TBC1D5: variants seen among roughly 807,000 people sequenced by gnomAD.
TBC1D5 encodes the protein TBC1 domain family member 5.
In TBC1D5, 75 loss-of-function variants were observed where a neutral mutation model predicts 100.3. That is an observed-to-expected ratio of 0.75 (90% CI 0.62 to 0.91). The LOEUF (loss-of-function observed/expected upper bound fraction) is 0.91. Among genes scored for constraint, TBC1D5 ranks in the 40% least tolerant of loss-of-function variants. The pLI, the probability that TBC1D5 is intolerant of heterozygous loss-of-function variation, is 0.00. For synonymous variants in TBC1D5, 323 were observed against 325.6 expected (o/e 0.99, Z 0.09); for missense variants, 910 against 942.4 (o/e 0.97, Z 0.45).
At chr3:17,216,760 T>C (rs2073687922) in intron 17 of TBC1D5, among the ~76,000 whole-genome samples, 1 of 152,118 alleles carries the variant, frequency 6.6e-6, no homozygotes. Context: ...TCCTAGAATA[T>C]TAGAACCGAA....
intron 3 of TBC1D5, among the ~76,000 whole-genome samples, chr3:17,448,069 C>G (rs180865649): frequency 2.0e-5 from 3 of 152,290 alleles, no homozygotes; most frequent in Non-Finnish European, 4.4e-5. Flanking sequence ...GAGGCTCAGA[C>G]AGGCAGATCA....
At chr3:17,230,531 T>C (rs1164375867) in intron 17 of TBC1D5, among the ~76,000 whole-genome samples, 1 of 152,174 alleles carries the variant, frequency 6.6e-6, no homozygotes, top group Non-Finnish European at 1.5e-5. Flanking sequence ...AATCATCTAA[T>C]GTCACATATT....
chr3:17,450,338 T>C (rs1325477901), intron 3 of TBC1D5, among the ~76,000 whole-genome samples: 1 of 152,076 alleles, frequency 6.6e-6, no homozygotes, highest in African/African-American at 2.4e-5. Context: ...CTCCAAAGGA[T>C]CACAACTCCT....
chr3:17,557,692 AGAC>A (rs1477973704), intron 2 of TBC1D5, among the ~76,000 whole-genome samples: 2 of 152,176 alleles, frequency 1.3e-5, no homozygotes, highest in Non-Finnish European at 2.9e-5. Flanking sequence ...CTGGGACAAC[AGAC>A]ACATGCAACC....
chr3:17,351,311 C>T (rs1559696521), intron 13 of TBC1D5, among the ~76,000 whole-genome samples: 2 of 152,212 alleles, frequency 1.3e-5, no homozygotes, highest in South Asian at 2.1e-4. Context: ...TTCACAATAG[C>T]AAAGACTTGG....
chr3:17,494,741 G>A (rs977552725), intron 3 of TBC1D5, among the ~76,000 whole-genome samples: 1 of 152,100 alleles, frequency 6.6e-6, no homozygotes, highest in Non-Finnish European at 1.5e-5. Flanking sequence ...TGGCACCATC[G>A]GGGAAAACCG....
At chr3:17,728,116 A>C (rs2153980045) in intron 1 of TBC1D5, among the ~76,000 whole-genome samples, 1 of 152,298 alleles carries the variant, frequency 6.6e-6, no homozygotes, top group South Asian at 2.1e-4. Flanking sequence ...GTTATATGTG[A>C]TTTTAAAGAG....
At chr3:17,255,620 T>G (rs1015570964) in intron 16 of TBC1D5, among the ~76,000 whole-genome samples, 2 of 152,252 alleles carry the variant, frequency 1.3e-5, no homozygotes, top group African/African-American at 2.4e-5. Context: ...ATTCAGTTTA[T>G]TTTTTACATA....
intron 1 of TBC1D5, among the ~76,000 whole-genome samples, chr3:17,725,394 T>C (rs2076039546): frequency 1.3e-5 from 2 of 152,144 alleles, no homozygotes. Flanking sequence ...GAAGTATTTT[T>C]TTTTTTTTTT....
chr3:17,404,704 T>G, exon 7 of TBC1D5: 2 of 1,605,516 alleles, frequency 1.2e-6, no homozygotes, highest in Non-Finnish European at 1.7e-6. Context: ...CCCTTCATCC[T>G]GTGAAAGAGG....
chr3:17,430,572 T>G (rs2094431823), intron 3 of TBC1D5, among the ~76,000 whole-genome samples: 1 of 151,872 alleles, frequency 6.6e-6, no homozygotes, highest in Non-Finnish European at 1.5e-5. Context: ...GTACAATTGT[T>G]TCACTAACAA....
At chr3:17,328,019 A>G (rs2086379297) in intron 13 of TBC1D5, among the ~76,000 whole-genome samples, 1 of 152,168 alleles carries the variant, frequency 6.6e-6, no homozygotes, top group South Asian at 2.1e-4. Context: ...CTGTAATTCC[A>G]GCACTTTTGA....
chr3:17,527,123 T>C (rs1170812323), intron 2 of TBC1D5, among the ~76,000 whole-genome samples: 1 of 152,208 alleles, frequency 6.6e-6, no homozygotes, highest in Non-Finnish European at 1.5e-5. Context: ...AGAGTTCGCA[T>C]ATCAAGTAGC....
rs1354331809 is a variant in TBC1D5, at chr3:17,370,370, C to G, written c.995+1705G>C. Reference sequence around the variant, plus strand: ...AAATGTGCTTTTGTATTTGGATATACCAATTATTTGCACAGTGGAGAGGAA... The same window carrying G: ...AAATGTGCTTTTGTATTTGGATATAGCAATTATTTGCACAGTGGAGAGGAA... On this transcript the variant is annotated intron_variant, in intron 13 of 21. Transcript: ENST00000253692. 2.6e-5 allele frequency among the ~76,000 whole-genome samples: 4 copies of G among 152,124 alleles called. No individual in the cohort carries two copies. In the South Asian group the frequency reaches 8.3e-4, roughly 32 times the overall value.
At chr3:17,324,653 T>A (rs1190483008) in intron 13 of TBC1D5, among the ~76,000 whole-genome samples, 1 of 151,184 alleles carries the variant, frequency 6.6e-6, no homozygotes, top group Non-Finnish European at 1.5e-5. Flanking sequence ...CAAAAAAAAA[T>A]GAAAATGAAA....
At chr3:17,468,242 C>T (rs2095332021) in intron 3 of TBC1D5, among the ~76,000 whole-genome samples, 1 of 152,200 alleles carries the variant, frequency 6.6e-6, no homozygotes, top group Non-Finnish European at 1.5e-5. Flanking sequence ...AACTTACATC[C>T]CTCTTTATGC....
rs530965233 is a variant in TBC1D5 at position 17,731,255 on chromosome 3, C to T, written c.-101+8088G>A. ...CAGTGACTCACGCCTGTAATCCCAGCACTTTGGGAGGCCGAGGCGGGCGGA... is the reference window on the plus strand; with the variant it reads ...CAGTGACTCACGCCTGTAATCCCAGTACTTTGGGAGGCCGAGGCGGGCGGA... On this transcript the variant is annotated intron_variant, in intron 1 of 21. Coordinates refer to ENST00000253692, the Ensembl canonical transcript of TBC1D5. Among the ~76,000 whole-genome samples the T allele has an allele frequency of 2.4e-4, 37 of 152,090 alleles. No individual in the cohort carries two copies. The East Asian group carries it at 6.8e-3, about 28-fold the overall frequency.
intron 4 of TBC1D5, 55 bp from the exon 5 acceptor site, chr3:17,406,581 G>C: frequency 6.6e-7 from 1 of 1,505,152 alleles, no homozygotes. Flanking sequence ...CCTCTGCTTG[G>C]AGAGAAGTTC....
In TBC1D5 at chr3:17,426,937, T is replaced by C. The variant is rs568338806; in HGVS notation, c.167+1513A>G. Among the ~76,000 whole-genome samples the C allele has an allele frequency of 2.6e-5, 4 of 152,154 alleles. 1 individual carries two copies. The highest frequency in any genetic ancestry group is 3.9e-4 in the East Asian group (2 of 5,194). ...GTTTATACCTAATAAATTACTATCA[T>C]AGATTTCATATATTACCATATTAAG... is the stretch of plus-strand genomic sequence containing the variant. On this transcript the variant is annotated intron_variant, in intron 4 of 21. Transcript: ENST00000253692.
Sources: allele counts gnomAD v4.1 joint callset (sites outside exome capture counted in the v4.1 genomes callset), GRCh38; gene constraint gnomAD v4.1.1; transcripts MANE v1.5; gene names NCBI Gene and HGNC (gene_info 2026-07-23, HGNC 2026-07-21).